PPIL6: variants seen among roughly 807,000 people sequenced by gnomAD.
PPIL6 encodes the protein peptidylprolyl isomerase like 6.
In PPIL6, 39 loss-of-function variants were observed where a neutral mutation model predicts 36.8. The ratio of observed to expected loss-of-function variants is 1.06; its 90% CI spans 0.82 to 1.38. The LOEUF (loss-of-function observed/expected upper bound fraction) is 1.38. Among genes scored for constraint, PPIL6 ranks in the 40% most tolerant of loss-of-function variants. The pLI, the probability that PPIL6 is intolerant of heterozygous loss-of-function variation, is 0.00. For missense variants in PPIL6, 368 were observed against 379.1 expected, an observed-to-expected ratio of 0.97 and a Z score of 0.24; for synonymous variants, 123 against 134.1, an observed-to-expected ratio of 0.92 and a Z score of 0.57.
intron 6 of PPIL6, among the ~76,000 whole-genome samples, chr6:109,402,529 C>T (rs759774378): frequency 2.0e-5 from 3 of 150,740 alleles, no homozygotes; most frequent in Admixed American, 6.6e-5. Flanking sequence ...GAGAAAGACT[C>T]GGTCTCAAGA....
At chr6:109,427,832 C>G (rs1295857355) in intron 3 of PPIL6, among the ~76,000 whole-genome samples, 1 of 152,146 alleles carries the variant, frequency 6.6e-6, no homozygotes, top group East Asian at 1.9e-4. Context: ...GGGAAGAAAA[C>G]AGACAGGGGA....
chr6:109,404,784 G>A (rs115962105), intron 6 of PPIL6: 2,796 of 153,498 alleles, frequency 0.018, 80 homozygotes, highest in African/African-American at 0.065. Flanking sequence ...CTTTTCGGCC[G>A]GGTGCAGTGG....
intron 6 of PPIL6, among the ~76,000 whole-genome samples, chr6:109,410,650 T>C (rs998393415): frequency 2.0e-5 from 3 of 152,200 alleles, no homozygotes; most frequent in African/African-American, 7.2e-5. Flanking sequence ...AGCGCACTAA[T>C]GATTCTATCT....
intron 6 of PPIL6, among the ~76,000 whole-genome samples, chr6:109,409,575 AAAAG>A (rs200866876): frequency 0.065 from 9,910 of 151,892 alleles, 378 homozygotes; most frequent in South Asian, 0.13. Context: ...TCAAAAAAAA[AAAAG>A]AAAGAGGTCA....
chr6:109,440,326 C>G, intron 1 of PPIL6, 130 bp downstream of exon 1: 1 of 1,188,948 alleles, frequency 8.4e-7, no homozygotes, highest in Non-Finnish European at 1.2e-6. Context: ...GGCCAGGACA[C>G]GCCAGCCCCT....
At chr6:109,421,148 C>G (rs892088442) in intron 5 of PPIL6, among the ~76,000 whole-genome samples, 3 of 152,358 alleles carry the variant, frequency 2.0e-5, no homozygotes, top group Admixed American at 2.0e-4. Flanking sequence ...CCCTCCCTCC[C>G]ACACCCACCA....
At chr6:109,437,539 ATTTCT>A (rs1396301015) in intron 1 of PPIL6, among the ~76,000 whole-genome samples, 9 of 133,056 alleles carry the variant, frequency 6.8e-5, no homozygotes, top group African/African-American at 8.4e-5. Flanking sequence ...GTTGACTACT[ATTTCT>A]TTTCTTTTTT....
At chr6:109,397,596 C>T (rs1351781893) in intron 7 of PPIL6, among the ~76,000 whole-genome samples, 2 of 152,052 alleles carry the variant, frequency 1.3e-5, no homozygotes, top group Admixed American at 1.3e-4. Context: ...TAAAGAAATT[C>T]TGCTTGAATG....
chr6:109,439,173 G>GA (rs1361463881), intron 1 of PPIL6, among the ~76,000 whole-genome samples: 11 of 150,980 alleles, frequency 7.3e-5, no homozygotes, highest in East Asian at 3.9e-4. Flanking sequence ...GAAAAAGAGC[G>GA]AAAAAAAAGA....
chr6:109,402,767 T>C (rs1772613648), intron 6 of PPIL6, among the ~76,000 whole-genome samples: 1 of 152,086 alleles, frequency 6.6e-6, no homozygotes, highest in Admixed American at 6.6e-5. Flanking sequence ...AGAATGTGTA[T>C]GTGAATCTTA....
At chr6:109,432,236 G>A (rs1774196131) in intron 2 of PPIL6, among the ~76,000 whole-genome samples, 1 of 152,118 alleles carries the variant, frequency 6.6e-6, no homozygotes, top group African/African-American at 2.4e-5. Flanking sequence ...GGGGCTTAAG[G>A]TTAGGAAATG....
intron 6 of PPIL6, chr6:109,405,002 C>T (rs930745603): frequency 5.9e-6 from 2 of 340,904 alleles, no homozygotes; most frequent in Non-Finnish European, 1.1e-5. Context: ...TGCAGTGAGC[C>T]GAGATCACGC....
chr6:109,428,863 A>C (rs985818759), intron 3 of PPIL6, among the ~76,000 whole-genome samples: 3 of 152,224 alleles, frequency 2.0e-5, no homozygotes, highest in African/African-American at 7.2e-5. Flanking sequence ...AGGAGGATAA[A>C]GAGGATATAT....
At chr6:109,414,897 T>A (rs1211935506) in intron 6 of PPIL6, among the ~76,000 whole-genome samples, 1 of 152,192 alleles carries the variant, frequency 6.6e-6, no homozygotes, top group Non-Finnish European at 1.5e-5. Context: ...ATTACATATA[T>A]TTGGTGTGTT....
intron 2 of PPIL6, among the ~76,000 whole-genome samples, chr6:109,434,681 A>C (rs962586853): frequency 3.3e-5 from 5 of 152,172 alleles, no homozygotes; most frequent in African/African-American, 1.2e-4. Context: ...GCAACCCAGC[A>C]CAGAACAATC....
rs1363698235 is a variant in PPIL6 at position 109,413,012 on chromosome 6, GCC to G, written c.688+6173_688+6174del. 2.0e-4 allele frequency among the ~76,000 whole-genome samples: 31 copies of G among 152,108 alleles called. No homozygotes were observed. The highest frequency in any genetic ancestry group is 4.4e-4 in the Non-Finnish European group (30 of 68,032). On this transcript the variant is annotated intron_variant, in intron 6 of 7. Coordinates refer to ENST00000521072, the MANE Select transcript of PPIL6 (RefSeq NM_173672.5). The surrounding 1 kb of genome is among the most constrained non-coding windows in gnomAD (Gnocchi z 4.6). Reference sequence around the variant, plus strand: ...GTCTCTACTAAAAATACAAAAATTAGCCAGGTGTAGTTATGTGCGCCTCTAAT... The same window carrying G: ...GTCTCTACTAAAAATACAAAAATTAGAGGTGTAGTTATGTGCGCCTCTAAT...
chr6:109,440,956 G>A, upstream of PPIL6: 1 of 634,850 alleles, frequency 1.6e-6, no homozygotes. Flanking sequence ...CCGGGGGAAC[G>A]CGGGAGTCGG....
intron 7 of PPIL6, among the ~76,000 whole-genome samples, chr6:109,398,142 G>T (rs941978288): frequency 4.6e-5 from 7 of 152,104 alleles, no homozygotes; most frequent in African/African-American, 1.7e-4. Context: ...TACCCGCCTT[G>T]GCCTCCCAAA....
At chr6:109,414,944 G>A (rs548545683) in intron 6 of PPIL6, among the ~76,000 whole-genome samples, 1 of 152,216 alleles carries the variant, frequency 6.6e-6, no homozygotes, top group East Asian at 1.9e-4. Flanking sequence ...AATAAAATAA[G>A]CTAGAGAAAA....
Sources: gnomAD v4.1 joint callset for allele counts (sites outside exome capture counted in the v4.1 genomes callset) on GRCh38, gnomAD v4.1.1 for gene constraint, Gnocchi (gnomAD v3.1) non-coding constraint, MANE v1.5 for transcripts, NCBI Gene and HGNC (gene_info 2026-07-23, HGNC 2026-07-21) for gene names.